The following GMDS variants were observed in gnomAD, a reference collection of about 807,000 sequenced individuals.
GMDS encodes GDP-mannose 4,6 dehydratase.
In GMDS, 20 loss-of-function variants were observed where a neutral mutation model predicts 49.9. The observed-to-expected ratio is 0.40, with a 90% CI of 0.28 to 0.58. The LOEUF is 0.58. Ranked by LOEUF, GMDS falls within the 20% of genes least tolerant of loss-of-function variation. The pLI is 0.42. For synonymous variants in GMDS, 177 were observed against 178.6 expected (o/e 0.99, Z 0.07); for missense variants, 362 against 481.4 (o/e 0.75, Z 2.32).
At chr6:1,957,263 A>G (rs1763689903) in intron 6 of GMDS, among the ~76,000 whole-genome samples, 1 of 152,218 alleles carries the variant, frequency 6.6e-6, no homozygotes, top group Non-Finnish European at 1.5e-5. Context: ...TCATTTAAAA[A>G]TATTTACTGA....
chr6:1,710,899 G>C (rs528701285), intron 9 of GMDS, among the ~76,000 whole-genome samples: 1 of 152,138 alleles, frequency 6.6e-6, no homozygotes, highest in African/African-American at 2.4e-5. Context: ...ACTACATATC[G>C]TCAGAAATTA....
rs1036183718 is a variant in GMDS at position 1,836,169 on chromosome 6, G to A, written c.772-93583C>T. Among the ~76,000 whole-genome samples, 6 of 152,068 alleles carry A rather than the reference G, an allele frequency of 3.9e-5. No homozygotes were observed. In the East Asian group the frequency reaches 1.2e-3, roughly 29 times the overall value. On this transcript the variant is annotated intron_variant, in intron 7 of 10. Transcript: ENST00000380815. This position sits in a 1 kb window ranked among gnomAD's most constrained non-coding sequence, Gnocchi z 4.2. ...GGCCTGAGCCACCGTGCCTGGCCTC[G>A]TTTGCTTTATTTTTTAAGTACGTTT...
At chr6:1,649,106 A>T (rs1763573435) in intron 9 of GMDS, among the ~76,000 whole-genome samples, 1 of 152,206 alleles carries the variant, frequency 6.6e-6, no homozygotes, top group Non-Finnish European at 1.5e-5. Flanking sequence ...TATGCTGCAA[A>T]TCACTTGCCA....
chr6:1,812,146 G>C (rs1022120289), intron 7 of GMDS, among the ~76,000 whole-genome samples: 1 of 152,158 alleles, frequency 6.6e-6, no homozygotes, highest in Non-Finnish European at 1.5e-5. Flanking sequence ...GTAGATTGGC[G>C]CAAAACTCAC....
At chr6:1,672,314 G>A (rs1764457378) in intron 9 of GMDS, among the ~76,000 whole-genome samples, 5 of 152,216 alleles carry the variant, frequency 3.3e-5, no homozygotes, top group Admixed American at 3.3e-4. Context: ...GAACAGGGAA[G>A]GTCATAGAGA....
intron 7 of GMDS, among the ~76,000 whole-genome samples, chr6:1,758,501 GGGGGTA>G (rs1192282523): frequency 2.0e-5 from 3 of 152,230 alleles, no homozygotes; most frequent in Non-Finnish European, 4.4e-5. Context: ...GTGCTGCAGA[GGGGGTA>G]GGTGTTCTCA....
At position 1,686,670 on chromosome 6, in the gene GMDS, A is replaced by T. The variant is rs187391398; in HGVS notation, c.987+39746T>A. Among the ~76,000 whole-genome samples the T allele has an allele frequency of 3.3e-5, 5 of 152,352 alleles. 1 individual carries two copies. Among genetic ancestry groups the T allele is most frequent in the Admixed American group, 2.0e-4 (3 of 15,308 alleles). The stretch of plus-strand genomic sequence containing the variant: ...AATGGAATGTACTTATATGCAAACC[A>T]TCTTTCCCTCTGAGTAAAGCATTTT... On this transcript the variant is annotated intron_variant, in intron 9 of 10. Coordinates refer to ENST00000380815, the MANE Select transcript of GMDS (RefSeq NM_001500.4).
intron 7 of GMDS, among the ~76,000 whole-genome samples, chr6:1,767,988 G>A (rs1768424153): frequency 6.6e-6 from 1 of 152,102 alleles, no homozygotes; most frequent in African/African-American, 2.4e-5. Flanking sequence ...CATACAGCTT[G>A]CCCTCAGCTG....
At chr6:1,771,981 T>C (rs1363841429) in intron 7 of GMDS, among the ~76,000 whole-genome samples, 1 of 127,118 alleles carries the variant, frequency 7.9e-6, no homozygotes, top group Non-Finnish European at 1.6e-5. Context: ...AAAGAAGGTT[T>C]TTGTGTAATT....
intron 4 of GMDS, among the ~76,000 whole-genome samples, chr6:2,006,049 CT>C (rs1167122530): frequency 1.1e-4 from 17 of 152,108 alleles, no homozygotes; most frequent in Admixed American, 1.0e-3. Flanking sequence ...ATTCAATCAC[CT>C]TCTGAGTTCC....
At chr6:2,071,974 GA>G (rs1462168461) in intron 4 of GMDS, among the ~76,000 whole-genome samples, 3 of 152,150 alleles carry the variant, frequency 2.0e-5, no homozygotes, top group African/African-American at 7.2e-5. Flanking sequence ...TAAAAGTGAT[GA>G]AAAAGCCTTC....
intron 9 of GMDS, among the ~76,000 whole-genome samples, chr6:1,657,847 C>T (rs1027879957): frequency 5.9e-5 from 5 of 85,084 alleles, no homozygotes; most frequent in Admixed American, 4.5e-4. Context: ...TAACAAAGAA[C>T]TCAAGCAAAA....
intron 7 of GMDS, among the ~76,000 whole-genome samples, chr6:1,876,082 T>G (rs1217859122): frequency 6.6e-6 from 1 of 151,582 alleles, no homozygotes; most frequent in African/African-American, 2.4e-5. Context: ...TACTATATCT[T>G]CATTTTAAAA....
intron 9 of GMDS, among the ~76,000 whole-genome samples, chr6:1,643,692 G>A (rs1358823020): frequency 1.3e-5 from 2 of 152,104 alleles, no homozygotes; most frequent in Non-Finnish European, 2.9e-5. Flanking sequence ...TGGAGTTTTT[G>A]CCTCCGGTGA....
chr6:1,996,795 A>G (rs1420899871), intron 4 of GMDS, among the ~76,000 whole-genome samples: 1 of 152,320 alleles, frequency 6.6e-6, no homozygotes, highest in East Asian at 1.9e-4. Flanking sequence ...GAGCTAAAAA[A>G]TGTAGTTCTT....
chr6:1,829,430 T>C (rs2113721716), intron 7 of GMDS, among the ~76,000 whole-genome samples: 1 of 152,302 alleles, frequency 6.6e-6, no homozygotes, highest in Non-Finnish European at 1.5e-5. Flanking sequence ...TACACCCAAT[T>C]TGTTTTGTTT....
chr6:2,106,171 C>CA (rs1562059976), intron 4 of GMDS, among the ~76,000 whole-genome samples: 1 of 152,102 alleles, frequency 6.6e-6, no homozygotes, highest in African/African-American at 2.4e-5. Flanking sequence ...AGACATTTTT[C>CA]AAAAAATAGA....
intron 4 of GMDS, among the ~76,000 whole-genome samples, chr6:2,033,680 C>A (rs1013586587): frequency 6.6e-6 from 1 of 152,138 alleles, no homozygotes; most frequent in African/African-American, 2.4e-5. Flanking sequence ...GCTTTTATTG[C>A]CCCTTTTGCC....
intron 6 of GMDS, chr6:1,949,092 T>C (rs1037675145): frequency 2.4e-5 from 22 of 900,844 alleles, no homozygotes; most frequent in Admixed American, 6.2e-5. Context: ...ACTAATTCTC[T>C]AGCTTTCAGC....
Sources: allele counts gnomAD v4.1 joint callset (sites outside exome capture counted in the v4.1 genomes callset), GRCh38; gene constraint gnomAD v4.1.1; non-coding constraint Gnocchi (gnomAD v3.1); transcripts MANE v1.5; gene names NCBI Gene and HGNC (gene_info 2026-07-23, HGNC 2026-07-21).